Variants in METTL15 observed in about 807,000 individuals in gnomAD.
METTL15 encodes 12S rRNA N(4)-cytidine methyltransferase METTL15.
A neutral mutation model predicts 38.3 loss-of-function variants in METTL15; 34 were observed. That is an observed-to-expected ratio of 0.89 (90% CI 0.68 to 1.18). The LOEUF (loss-of-function observed/expected upper bound fraction) is 1.18, where lower values mean the gene tolerates loss of function less well. Ranked by LOEUF, METTL15 falls within the 50% of genes most tolerant of loss-of-function variation. The pLI, the probability that METTL15 is intolerant of heterozygous loss-of-function variation, is 0.00. For synonymous variants in METTL15, 162 were observed against 170.9 expected, an observed-to-expected ratio of 0.95 and a Z score of 0.41; for missense variants, 438 against 498.4, an observed-to-expected ratio of 0.88 and a Z score of 1.15.
chr11:28,220,658 G>A (rs535517522), intron 4 of METTL15, among the ~76,000 whole-genome samples: 5 of 152,204 alleles, frequency 3.3e-5, no homozygotes, highest in South Asian at 2.1e-4. Flanking sequence ...TCCTAGCCTC[G>A]ATGGTCTTTA....
chr11:28,427,700 G>A (rs10835332), intron 6 of METTL15, among the ~76,000 whole-genome samples: 64,222 of 151,964 alleles, frequency 0.42, 14,967 homozygotes, highest in Admixed American at 0.54. Context: ...TGGCAATTGG[G>A]AATGGGAGTT....
At chr11:28,158,281 C>T (rs747692430) in intron 3 of METTL15, among the ~76,000 whole-genome samples, 62 of 152,188 alleles carry the variant, frequency 4.1e-4, no homozygotes, top group South Asian at 6.2e-4. Context: ...TAGGATGACC[C>T]GTTCTGTGGA....
intron 5 of METTL15, among the ~76,000 whole-genome samples, chr11:28,419,259 T>C (rs1850799326): frequency 6.6e-6 from 1 of 152,158 alleles, no homozygotes; most frequent in African/African-American, 2.4e-5. Context: ...TGGTCACCTG[T>C]GTGACCTCTC....
rs1473201496 is a variant in METTL15 at position 28,331,427 on chromosome 11, T to C, written c.*586T>C. 1 of 151,926 alleles carries C rather than the reference T, an allele frequency of 6.6e-6. No homozygotes were observed. The highest frequency in any genetic ancestry group is 1.5e-5 in the Non-Finnish European group (1 of 67,956). The allele number at this position is 151,926 out of a possible 1,614,324, so 9.4% of individuals were successfully genotyped here. A position where few individuals can be genotyped will look rare whatever the true frequency, so the allele number is the denominator to read the frequency against. ...CTATTATTTTAAAGGGATTTTTCAG[T>C]ATGATATGGGCCATTTTGTTCATCT... On this transcript the variant is annotated 3_prime_UTR_variant, in exon 7 of 7. Coordinates refer to ENST00000407364, the MANE Select transcript of METTL15 (RefSeq NM_001113528.2).
chr11:28,438,672 CTTTT>C (rs1171439330), intron 6 of METTL15, among the ~76,000 whole-genome samples: 2 of 128,190 alleles, frequency 1.6e-5, no homozygotes, highest in Non-Finnish European at 3.3e-5. Flanking sequence ...TTTCTTTTTT[CTTTT>C]TTTTTTTTTT....
chr11:28,239,847 T>G (rs985078572), intron 4 of METTL15, among the ~76,000 whole-genome samples: 8 of 152,226 alleles, frequency 5.3e-5, no homozygotes, highest in African/African-American at 1.9e-4. Flanking sequence ...TACCCTTGCT[T>G]TATATTTTGT....
chr11:28,529,708 C>T (rs1379147294), downstream of METTL15, among the ~76,000 whole-genome samples: 1 of 151,836 alleles, frequency 6.6e-6, no homozygotes, highest in Non-Finnish European at 1.5e-5. Context: ...TTGATTAGTC[C>T]TGGGGGTTCT....
At chr11:28,204,041 A>G (rs1852215529) in intron 3 of METTL15, among the ~76,000 whole-genome samples, 2 of 152,034 alleles carry the variant, frequency 1.3e-5, no homozygotes, top group Admixed American at 1.3e-4. Context: ...TCTAGACTCA[A>G]ATGCACAAAT....
chr11:28,128,530 GT>G (rs1170695726), intron 3 of METTL15, among the ~76,000 whole-genome samples: 1 of 151,958 alleles, frequency 6.6e-6, no homozygotes, highest in African/African-American at 2.4e-5. Context: ...AGTTTCTATA[GT>G]TTTTCCTCAA....
chr11:28,257,003 T>G (rs1433379476), intron 4 of METTL15, among the ~76,000 whole-genome samples: 2 of 152,186 alleles, frequency 1.3e-5, no homozygotes, highest in African/African-American at 2.4e-5. Context: ...ATTTGTATAG[T>G]TTCCAAAATT....
intron 6 of METTL15, among the ~76,000 whole-genome samples, chr11:28,503,633 A>C (rs1851602378): frequency 6.6e-6 from 1 of 151,842 alleles, no homozygotes; most frequent in African/African-American, 2.4e-5. Context: ...TCTACTAAAA[A>C]TATAAAAATT....
chr11:28,376,223 G>T (rs1190300266), intron 5 of METTL15, among the ~76,000 whole-genome samples: 1 of 152,002 alleles, frequency 6.6e-6, no homozygotes, highest in South Asian at 2.1e-4. Context: ...GGGTATCCTT[G>T]TTGATTTTCT....
At position 28,134,889 on chromosome 11, in the gene METTL15, G is replaced by A. The variant is rs540645817; in HGVS notation, c.270+21285G>A. Among the ~76,000 whole-genome samples the A allele has an allele frequency of 2.0e-5, 3 of 152,282 alleles. No homozygotes were observed. In the South Asian group the frequency reaches 6.2e-4, roughly 32 times the overall value. ...TTTGGGTGCATGGGGCTTGGCTTTG[G>A]TAGCTCTCTTGATTTTTCCAAACAA... On this transcript the variant is annotated intron_variant, in intron 3 of 6. Coordinates refer to ENST00000407364, the MANE Select transcript of METTL15 (RefSeq NM_001113528.2).
chr11:28,268,854 T>C (rs1358157158), intron 4 of METTL15, among the ~76,000 whole-genome samples: 4 of 152,196 alleles, frequency 2.6e-5, no homozygotes, highest in Non-Finnish European at 4.4e-5. Flanking sequence ...TATGTAAATA[T>C]TCCTAATTTC....
intron 6 of METTL15, among the ~76,000 whole-genome samples, chr11:28,299,747 G>T (rs560309889): frequency 6.6e-6 from 1 of 152,206 alleles, no homozygotes; most frequent in Admixed American, 6.6e-5. Context: ...CAAACTTTGT[G>T]CCTTAAAACA....
chr11:28,382,569 C>T (rs538692336), intron 5 of METTL15, among the ~76,000 whole-genome samples: 1 of 152,066 alleles, frequency 6.6e-6, no homozygotes, highest in East Asian at 1.9e-4. Flanking sequence ...CTCAGTGGCT[C>T]ACACCTGTAA....
chr11:28,190,370 A>C (rs1205254029), intron 3 of METTL15, among the ~76,000 whole-genome samples: 1 of 151,090 alleles, frequency 6.6e-6, no homozygotes, highest in African/African-American at 2.4e-5. Context: ...GTTTTTGTCT[A>C]CTCTTTGGAT....
chr11:28,391,666 C>G (rs1850509786), intron 5 of METTL15, among the ~76,000 whole-genome samples: 1 of 152,130 alleles, frequency 6.6e-6, no homozygotes, highest in African/African-American at 2.4e-5. Flanking sequence ...CACCGCTTAT[C>G]TACAACTATC....
chr11:28,337,698 G>C (rs1849913744), downstream of METTL15, among the ~76,000 whole-genome samples: 2 of 151,998 alleles, frequency 1.3e-5, no homozygotes, highest in East Asian at 3.9e-4. Flanking sequence ...AGTATTTTTA[G>C]TATTTTTACT....
Sources: allele counts gnomAD v4.1 joint callset (sites outside exome capture counted in the v4.1 genomes callset), GRCh38; gene constraint gnomAD v4.1.1; transcripts MANE v1.5; gene names NCBI Gene and HGNC (gene_info 2026-07-23, HGNC 2026-07-21).